The following GARIN1B variants were observed in gnomAD, a reference collection of about 807,000 sequenced individuals.
GARIN1B encodes the protein golgi associated RAB2 interactor 1B.
chr7:128,719,150 G>A, the GARIN1B span: 1 of 1,542,308 alleles, frequency 6.5e-7, no homozygotes, highest in Non-Finnish European at 8.8e-7. Context: ...AACCCAGCTG[G>A]TATGTGAGTG....
the GARIN1B span, chr7:128,723,460 C>T: frequency 9.6e-7 from 1 of 1,038,040 alleles, no homozygotes; most frequent in South Asian, 1.7e-5. Flanking sequence ...CGCCTGTATT[C>T]CCGGCACTTT....
chr7:128,727,753 T>C, the GARIN1B span, among the ~76,000 whole-genome samples: 1 of 151,656 alleles, frequency 6.6e-6, no homozygotes, highest in African/African-American at 2.4e-5. Context: ...TCCACTCCCT[T>C]CCCCCGATGC....
At chr7:128,716,336 A>G in the GARIN1B span, among the ~76,000 whole-genome samples, 1 of 152,294 alleles carries the variant, frequency 6.6e-6, no homozygotes, top group Non-Finnish European at 1.5e-5. Flanking sequence ...GTGAAGGTGC[A>G]GGAGATAATA....
At chr7:128,717,892 T>A in the GARIN1B span, among the ~76,000 whole-genome samples, 1 of 152,176 alleles carries the variant, frequency 6.6e-6, no homozygotes, top group African/African-American at 2.4e-5. Flanking sequence ...CTGTAGGATA[T>A]CTCAAGAATC....
the GARIN1B span, among the ~76,000 whole-genome samples, chr7:128,727,107 C>A: frequency 6.6e-6 from 1 of 152,086 alleles, no homozygotes; most frequent in Non-Finnish European, 1.5e-5. Flanking sequence ...ATTTCTACAC[C>A]CACAGACCCT....
chr7:128,717,550 G>T, the GARIN1B span, among the ~76,000 whole-genome samples: 2 of 150,474 alleles, frequency 1.3e-5, no homozygotes, highest in African/African-American at 4.9e-5. Context: ...AGGTTTAAGT[G>T]ATTCTCCTGC....
the GARIN1B span, among the ~76,000 whole-genome samples, chr7:128,710,781 G>A: frequency 1.2e-3 from 177 of 151,544 alleles, no homozygotes; most frequent in African/African-American, 4.2e-3. Context: ...GCCTCCCTGA[G>A]TAGTTGGGAT....
At chr7:128,720,622 TTTGAG>T in the GARIN1B span, among the ~76,000 whole-genome samples, 1 of 152,202 alleles carries the variant, frequency 6.6e-6, no homozygotes, top group Admixed American at 6.5e-5. Context: ...TATGATCCAT[TTTGAG>T]TTAATATTTA....
At chr7:128,715,964 G>A in the GARIN1B span, among the ~76,000 whole-genome samples, 2 of 152,148 alleles carry the variant, frequency 1.3e-5, no homozygotes, top group African/African-American at 4.8e-5. Context: ...GTTTACTTCA[G>A]CCCCCAGGCT....
the GARIN1B span, chr7:128,719,101 C>T: frequency 6.2e-7 from 1 of 1,609,862 alleles, no homozygotes; most frequent in African/African-American, 1.3e-5. Context: ...AGCACCATTG[C>T]CACCCTGCAG....
At chr7:128,719,079 C>G in the GARIN1B span, 3 of 1,612,648 alleles carry the variant, frequency 1.9e-6, no homozygotes, top group Non-Finnish European at 2.5e-6. Flanking sequence ...TCAGGAGATT[C>G]GAAGGTAAGT....
the GARIN1B span, chr7:128,715,236 G>A: frequency 4.1e-6 from 4 of 985,282 alleles, no homozygotes; most frequent in East Asian, 1.1e-4. Flanking sequence ...GTCCAGGCAC[G>A]GATAAGGCAC....
chr7:128,714,706 C>T, the GARIN1B span, among the ~76,000 whole-genome samples: 4 of 152,152 alleles, frequency 2.6e-5, no homozygotes, highest in South Asian at 8.3e-4. Flanking sequence ...TGGGCTCTTT[C>T]CTCCTCTGGT....
the GARIN1B span, chr7:128,731,099 G>A: frequency 1.9e-6 from 3 of 1,612,028 alleles, no homozygotes; most frequent in Non-Finnish European, 1.7e-6. Context: ...TACACTCACA[G>A]GAAATTCTAT....
At chr7:128,716,870 G>C in the GARIN1B span, 1 of 1,613,926 alleles carries the variant, frequency 6.2e-7, no homozygotes. Context: ...CATGGCCCTG[G>C]GGGTGACCTC....
At chr7:128,714,425 A>C in the GARIN1B span, among the ~76,000 whole-genome samples, 1 of 152,054 alleles carries the variant, frequency 6.6e-6, no homozygotes, top group East Asian at 1.9e-4. Context: ...AAAAATACAA[A>C]AAATTAGCCA....
the GARIN1B span, among the ~76,000 whole-genome samples, chr7:128,712,841 T>TG: frequency 2.0e-5 from 3 of 152,230 alleles, no homozygotes; most frequent in Non-Finnish European, 4.4e-5. Flanking sequence ...CCTAATTTCC[T>TG]GTAAATTAAC....
At chr7:128,731,083 C>A in the GARIN1B span, 1 of 1,609,954 alleles carries the variant, frequency 6.2e-7, no homozygotes, top group South Asian at 1.1e-5. Flanking sequence ...AAACACTTTT[C>A]TCTCCTACAC....
the GARIN1B span, among the ~76,000 whole-genome samples, chr7:128,710,184 G>C: frequency 1.3e-5 from 2 of 151,986 alleles, no homozygotes; most frequent in African/African-American, 4.8e-5. Context: ...CAAAGTGCTG[G>C]GATTACAGGT....
Sources: allele counts gnomAD v4.1 joint callset (sites outside exome capture counted in the v4.1 genomes callset), GRCh38; gene constraint gnomAD v4.1.1; transcripts MANE v1.5; gene names NCBI Gene and HGNC (gene_info 2026-07-23, HGNC 2026-07-21).